HEATR5A: variants seen among roughly 807,000 people sequenced by gnomAD.
HEATR5A encodes the protein HEAT repeat containing 5A.
A neutral mutation model predicts 218.8 loss-of-function variants in HEATR5A; 178 were observed. That is an observed-to-expected ratio of 0.81 (90% CI 0.72 to 0.92). The LOEUF (loss-of-function observed/expected upper bound fraction) is 0.92, where lower values mean the gene tolerates loss of function less well. HEATR5A is among the 40% of genes least tolerant of loss of function. HEATR5A has a pLI of 0.00. For missense variants in HEATR5A, 2,420 were observed against 2,418.9 expected, an observed-to-expected ratio of 1.00 and a Z score of -0.01; for synonymous variants, 864 against 871.6, an observed-to-expected ratio of 0.99 and a Z score of 0.15.
intron 23 of HEATR5A, 34 bp from the exon 24 acceptor site, chr14:31,323,838 C>G: frequency 3.0e-6 from 4 of 1,344,362 alleles, no homozygotes; most frequent in Non-Finnish European, 4.1e-6. Context: ...TAATTATAAT[C>G]AACTGAAAGA....
At chr14:31,303,338 C>G (rs1169274307) in intron 32 of HEATR5A, among the ~76,000 whole-genome samples, 2 of 151,994 alleles carry the variant, frequency 1.3e-5, no homozygotes, top group Admixed American at 1.3e-4. Context: ...GAGGCTGAGG[C>G]AGAAGAACTG....
intron 27 of HEATR5A, among the ~76,000 whole-genome samples, 187 bp downstream of exon 27, chr14:31,315,583 C>T (rs763554395): frequency 2.6e-5 from 4 of 152,136 alleles, no homozygotes; most frequent in East Asian, 3.8e-4. Flanking sequence ...TAATAGACTA[C>T]GGAAGACTCT....
chr14:31,308,858 G>C (rs1223218860), intron 29 of HEATR5A, 76 bp downstream of exon 29: 50 of 1,321,218 alleles, frequency 3.8e-5, no homozygotes, highest in Middle Eastern at 2.6e-4. Context: ...CTGGGTGAAA[G>C]AGCAAAACTC....
At chr14:31,374,060 CT>C (rs1421173041) in intron 12 of HEATR5A, among the ~76,000 whole-genome samples, 1 of 152,030 alleles carries the variant, frequency 6.6e-6, no homozygotes, top group Admixed American at 6.6e-5. Flanking sequence ...AATCCCAACA[CT>C]TTGGGAGGCT....
chr14:31,300,470 C>CT (rs1420481620), intron 33 of HEATR5A, among the ~76,000 whole-genome samples: 1 of 151,888 alleles, frequency 6.6e-6, no homozygotes, highest in Admixed American at 6.6e-5. Flanking sequence ...TCTGAGAAGC[C>CT]TCTAGTGGTG....
At chr14:31,411,846 T>C (rs2031283890) in intron 1 of HEATR5A, among the ~76,000 whole-genome samples, 1 of 152,168 alleles carries the variant, frequency 6.6e-6, no homozygotes, top group Non-Finnish European at 1.5e-5. Context: ...TTTTTGTTCA[T>C]ATTATAAAAT....
In HEATR5A at chr14:31,323,785, A is replaced by G; in HGVS notation, c.3567T>C (p.Cys1189=). ...AASADFTAVT[C]VDTMQEEEGD... is the part of the protein sequence containing the mutation. Reference sequence around the variant, plus strand: ...CTTCTTCTTCTTGCATTGTATCCACACAAGTTACAGCTGTAAAATCTTTTA... The same window carrying G: ...CTTCTTCTTCTTGCATTGTATCCACGCAAGTTACAGCTGTAAAATCTTTTA... The change falls in exon 24 of 36, where the codon TGT becomes TGC. Residue 1189 remains cysteine (C), a synonymous_variant. Transcript: ENST00000543095. 7 of 1,592,970 alleles carry G rather than the reference A, an allele frequency of 4.4e-6. No homozygotes were observed. The highest frequency in any genetic ancestry group is 1.3e-5 in the African/African-American group (1 of 74,536).
At chr14:31,308,463 C>T (rs1197719561) in intron 29 of HEATR5A, among the ~76,000 whole-genome samples, 3 of 149,002 alleles carry the variant, frequency 2.0e-5, no homozygotes, top group Non-Finnish European at 3.0e-5. Context: ...GCCGAGATCG[C>T]TCCATTGCAC....
intron 28 of HEATR5A, among the ~76,000 whole-genome samples, chr14:31,312,029 A>G (rs1372778847): frequency 2.0e-5 from 3 of 152,158 alleles, no homozygotes; most frequent in Admixed American, 1.3e-4. Flanking sequence ...CAGTTTCGGG[A>G]GGACAATGGG....
chr14:31,341,387 T>G (rs2139201175), intron 21 of HEATR5A, among the ~76,000 whole-genome samples: 1 of 152,146 alleles, frequency 6.6e-6, no homozygotes, highest in East Asian at 1.9e-4. Flanking sequence ...ATAAGTTTGA[T>G]CAGATTTTAT....
At chr14:31,400,250 A>G (rs1405315550) in intron 3 of HEATR5A, 51 bp downstream of exon 3, 3 of 1,245,058 alleles carry the variant, frequency 2.4e-6, no homozygotes, top group Non-Finnish European at 3.4e-6. Flanking sequence ...TCATAAAAAT[A>G]CAACAGGAAG....
At chr14:31,403,432 G>A (rs1392607981) in intron 1 of HEATR5A, among the ~76,000 whole-genome samples, 1 of 152,152 alleles carries the variant, frequency 6.6e-6, no homozygotes, top group Non-Finnish European at 1.5e-5. Flanking sequence ...CAAACATCCA[G>A]ACCTTCTACT....
chr14:31,334,824 T>C (rs1441796539), intron 22 of HEATR5A, among the ~76,000 whole-genome samples: 2 of 151,438 alleles, frequency 1.3e-5, no homozygotes, highest in South Asian at 2.1e-4. Flanking sequence ...TGGGCACCTG[T>C]AGTCCCAGCT....
At chr14:31,402,323 A>G (rs187652085) in intron 2 of HEATR5A, among the ~76,000 whole-genome samples, 4 of 152,304 alleles carry the variant, frequency 2.6e-5, no homozygotes, top group African/African-American at 9.6e-5. Flanking sequence ...AAATTAATCA[A>G]CCAAACACGG....
Position 31,293,051 on chromosome 14 carries a change from G to A in HEATR5A, c.*254C>T, listed in dbSNP as rs572944305. ...ATTGTTTAGTAAGTTTAGTTCTTTA[G>A]CACTTTCTTAAAATTCCTGGCAAGT... On this transcript the variant is annotated 3_prime_UTR_variant, in exon 36 of 36. Transcript: ENST00000543095. 109 of 389,230 alleles carry A rather than the reference G, an allele frequency of 2.8e-4. No individual in the cohort carries two copies. Among genetic ancestry groups the A allele is most frequent in the African/African-American group, 2.1e-3 (101 of 48,488 alleles). The allele number at this position is 389,230 out of a possible 1,614,324, so 24.1% of individuals were successfully genotyped here.
At chr14:31,394,823 C>CA (rs1206275562) in intron 5 of HEATR5A, among the ~76,000 whole-genome samples, 1 of 151,856 alleles carries the variant, frequency 6.6e-6, no homozygotes, top group Non-Finnish European at 1.5e-5. Flanking sequence ...AAAGAACAAA[C>CA]AAAAAAACTT....
intron 10 of HEATR5A, among the ~76,000 whole-genome samples, chr14:31,382,994 T>C (rs994247410): frequency 6.6e-6 from 1 of 151,946 alleles, no homozygotes; most frequent in Non-Finnish European, 1.5e-5. Context: ...AGAGTCCTGA[T>C]TCCTTTTTGG....
Position 31,302,484 on chromosome 14 carries a change from TG to T in HEATR5A, c.5274del (p.Thr1759GlnfsTer10), listed in dbSNP as rs1178301109. The T allele has an allele frequency of 1.3e-6, 2 of 1,586,960 alleles. No individual in the cohort carries two copies. Among genetic ancestry groups the T allele is most frequent in the Non-Finnish European group, 1.7e-6 (2 of 1,165,210 alleles). On this transcript the variant is annotated frameshift_variant, in exon 33 of 36. Coordinates refer to ENST00000543095, the MANE Select transcript of HEATR5A (RefSeq NM_015473.4). LOFTEE classifies it high-confidence loss of function. ...SISILPTILY[L>X]TIGVLRETAV... Reference sequence around the variant, plus strand: ...GCAGTCTCTCTGAGGACCCCGATTGTGAGGTACAATATAGTAGGGAGAATTG... The same window carrying T: ...GCAGTCTCTCTGAGGACCCCGATTGTAGGTACAATATAGTAGGGAGAATTG...
chr14:31,308,637 T>G (rs1780808139), intron 29 of HEATR5A, among the ~76,000 whole-genome samples: 1 of 152,182 alleles, frequency 6.6e-6, no homozygotes, highest in Admixed American at 6.5e-5. Flanking sequence ...AACTTTACTT[T>G]GGCTAAAATT....
Sources: gnomAD v4.1 joint callset for allele counts (sites outside exome capture counted in the v4.1 genomes callset) on GRCh38, gnomAD v4.1.1 for gene constraint, MANE v1.5 for transcripts, NCBI Gene and HGNC (gene_info 2026-07-23, HGNC 2026-07-21) for gene names.